CWH43: variants seen among roughly 807,000 people sequenced by gnomAD.
CWH43 encodes cell wall biogenesis 43 C-terminal homolog.
Under a neutral mutation model 85.7 loss-of-function variants are expected in CWH43, and 91 were observed. That is an observed-to-expected ratio of 1.06 (90% confidence interval 0.90 to 1.26). The LOEUF (loss-of-function observed/expected upper bound fraction) is 1.26. Ranked by LOEUF, CWH43 falls within the 50% of genes most tolerant of loss-of-function variation. The pLI is 0.00. For synonymous variants in CWH43, 323 were observed against 293.6 expected (o/e 1.10, Z -1.02); for missense variants, 869 against 839.2 (o/e 1.04, Z -0.44).
intron 13 of CWH43, among the ~76,000 whole-genome samples, chr4:49,039,743 T>A (rs2768970): frequency 0.58 from 88,117 of 151,374 alleles, 28,794 homozygotes; most frequent in Admixed American, 0.75. Flanking sequence ...CTGATTTTTT[T>A]AAAATTTTAT....
chr4:49,027,429 G>A (rs967746212), intron 9 of CWH43, among the ~76,000 whole-genome samples: 2 of 152,146 alleles, frequency 1.3e-5, no homozygotes, highest in African/African-American at 4.8e-5. Flanking sequence ...ATGAATAGTT[G>A]TAAGAAAAAG....
rs2109769090 is a variant in CWH43 at position 49,008,439 on chromosome 4, G to C, written c.1186+1113G>C. ...ATTCTGTAGGTTTCCTGTTCACTCT[G>C]ATGGTAGTTTCTTTTGCTGTGCAGA... On this transcript the variant is annotated intron_variant, in intron 8 of 15. Transcript: ENST00000226432. Among the ~76,000 whole-genome samples the C allele has an allele frequency of 2.0e-5, 3 of 152,138 alleles. No individual in the cohort carries two copies. The South Asian group carries it at 6.2e-4, about 32-fold the overall frequency.
intron 15 of CWH43, among the ~76,000 whole-genome samples, chr4:49,051,134 G>A (rs1784783965): frequency 6.6e-6 from 1 of 152,010 alleles, no homozygotes; most frequent in Non-Finnish European, 1.5e-5. Flanking sequence ...TCACCTCCAC[G>A]ATAGCTAGTA....
At chr4:49,010,178 T>C (rs974038740) in intron 8 of CWH43, among the ~76,000 whole-genome samples, 19 of 152,340 alleles carry the variant, frequency 1.2e-4, no homozygotes, top group African/African-American at 4.6e-4. Context: ...TATTCAGAGA[T>C]TCAACTTCTT....
chr4:49,031,751 G>A lies in CWH43; in HGVS notation c.1508+791G>A, dbSNP rs567106400. 9.9e-5 allele frequency among the ~76,000 whole-genome samples: 15 copies of A among 152,278 alleles called. No individual in the cohort carries two copies. In the South Asian group the frequency reaches 3.1e-3, roughly 32 times the overall value. ...AGATGGTGAGAAGAGGACAAACTCA[G>A]GAACTATTTTAGAATAGAACCAACA... On this transcript the variant is annotated intron_variant, in intron 11 of 15. Transcript: ENST00000226432.
Position 49,059,947 on chromosome 4 carries a change from C to T in CWH43, c.2022-1865C>T, listed in dbSNP as rs143412550. Reference sequence around the variant, plus strand: ...ATTGGGATAGATCTGGAACCTGGGCCCATGGAGCCTAGGCCTCCTATGTTA... The same window carrying T: ...ATTGGGATAGATCTGGAACCTGGGCTCATGGAGCCTAGGCCTCCTATGTTA... On this transcript the variant is annotated intron_variant, in intron 15 of 15. Coordinates refer to ENST00000226432, the MANE Select transcript of CWH43 (RefSeq NM_025087.3). Among the ~76,000 whole-genome samples, 158 of 152,170 alleles carry T rather than the reference C, an allele frequency of 1.0e-3. 2 individuals are homozygous for T. The highest frequency in any genetic ancestry group is 5.7e-4 in the Non-Finnish European group (39 of 67,998).
chr4:49,059,713 T>TGGATA lies in CWH43; in HGVS notation c.2022-2096_2022-2092dup, dbSNP rs199853363. Among the ~76,000 whole-genome samples the TGGATA allele has an allele frequency of 9.6e-3, 1,467 of 152,294 alleles. 17 individuals carry two copies. The highest frequency in any genetic ancestry group is 0.029 in the African/African-American group (1,219 of 41,560). ...CTTGCTTGGTGCCTGGATCAGCAAG[T>TGGATA]GGATAGGCTTTGTGCCTGGGTCTCT... On this transcript the variant is annotated intron_variant, in intron 15 of 15. Coordinates refer to ENST00000226432, the MANE Select transcript of CWH43 (RefSeq NM_025087.3).
intron 9 of CWH43, among the ~76,000 whole-genome samples, chr4:49,021,112 G>A (rs1001175792): frequency 3.3e-5 from 5 of 152,080 alleles, no homozygotes; most frequent in Admixed American, 2.0e-4. Context: ...TGGGTTCTTG[G>A]TCATGAAGGC....
At chr4:49,028,823 A>T in intron 10 of CWH43, 89 bp downstream of exon 10, 1 of 812,834 alleles carries the variant, frequency 1.2e-6, no homozygotes, top group Non-Finnish European at 2.0e-6. Flanking sequence ...AACTTAATGC[A>T]GGTATTAGAT....
chr4:49,023,125 T>G (rs1464696913), intron 9 of CWH43, among the ~76,000 whole-genome samples: 1 of 152,200 alleles, frequency 6.6e-6, no homozygotes, highest in East Asian at 1.9e-4. Context: ...AGTTGTGACC[T>G]TAGGTTCTCT....
At chr4:49,030,724 A>G in intron 10 of CWH43, 101 bp from the exon 11 acceptor site, 11 of 1,151,364 alleles carry the variant, frequency 9.6e-6, no homozygotes, top group Non-Finnish European at 1.3e-5. Context: ...TGGGTTTATC[A>G]GTAAAGAAAA....
intron 10 of CWH43, among the ~76,000 whole-genome samples, chr4:49,030,315 A>G (rs1325381708): frequency 6.6e-6 from 1 of 152,166 alleles, no homozygotes; most frequent in Non-Finnish European, 1.5e-5. Flanking sequence ...GCCTCCTGAG[A>G]CATATGAGTG....
chr4:49,002,393 A>G (rs1171365534), intron 6 of CWH43, among the ~76,000 whole-genome samples: 1 of 152,212 alleles, frequency 6.6e-6, no homozygotes, highest in Non-Finnish European at 1.5e-5. Flanking sequence ...AAAATTATTT[A>G]CACTAGTAAA....
chr4:49,021,543 T>G (rs949816718), intron 9 of CWH43, among the ~76,000 whole-genome samples: 2 of 152,176 alleles, frequency 1.3e-5, no homozygotes, highest in Non-Finnish European at 2.9e-5. Flanking sequence ...GACTCTTTTT[T>G]TGTTCCATAT....
intron 8 of CWH43, among the ~76,000 whole-genome samples, chr4:49,012,272 G>A (rs1416779435): frequency 7.2e-5 from 11 of 152,076 alleles, no homozygotes; most frequent in Non-Finnish European, 4.4e-5. Flanking sequence ...ATCAGCTATT[G>A]AAGCTTGTGC....
intron 15 of CWH43, among the ~76,000 whole-genome samples, chr4:49,059,868 G>A (rs1406735665): frequency 6.6e-6 from 1 of 152,132 alleles, no homozygotes; most frequent in Non-Finnish European, 1.5e-5. Flanking sequence ...TAGGCCTTCA[G>A]CCTGAGTCTG....
chr4:49,042,667 G>A (rs968064893), intron 13 of CWH43, among the ~76,000 whole-genome samples: 3 of 152,174 alleles, frequency 2.0e-5, no homozygotes, highest in African/African-American at 7.2e-5. Context: ...AGTTAGAGAA[G>A]TGCAGAAGGA....
rs779824944 is a variant in CWH43 at position 49,030,868 on chromosome 4, C to T, written c.1416C>T (p.Pro472=). 5.0e-6 allele frequency: 8 copies of T among 1,607,182 alleles called. No individual in the cohort carries two copies. In the Admixed American group the frequency reaches 1.2e-4, roughly 24 times the overall value. Residue 472 remains proline (P), a synonymous_variant, in exon 11 of 16, where the codon CCC becomes CCT. Coordinates refer to ENST00000226432, the MANE Select transcript of CWH43 (RefSeq NM_025087.3). ...ITILESDASK[P]YMGNNDLTMW... is the part of the protein sequence containing the mutation. ...TTTTGGAGAGTGATGCTTCTAAGCC[C>T]TATATGGGGAACAATGACTTAACCA...
At chr4:49,011,626 T>C (rs1268828419) in intron 8 of CWH43, among the ~76,000 whole-genome samples, 1 of 152,180 alleles carries the variant, frequency 6.6e-6, no homozygotes, top group Non-Finnish European at 1.5e-5. Context: ...GTACCGGTTG[T>C]TCCTGTCCAT....
Sources: allele counts gnomAD v4.1 joint callset (sites outside exome capture counted in the v4.1 genomes callset), GRCh38; gene constraint gnomAD v4.1.1; transcripts MANE v1.5; gene names NCBI Gene and HGNC (gene_info 2026-07-23, HGNC 2026-07-21).